Variants in RGPD8 observed in about 807,000 individuals in gnomAD.
RGPD8 encodes the protein RANBP2 like and GRIP domain containing 8.
Under a neutral mutation model 89.1 loss-of-function variants are expected in RGPD8, and 15 were observed. The observed-to-expected ratio is 0.17, with a 90% CI of 0.11 to 0.26. The LOEUF is 0.26. RGPD8 is among the 10% of genes least tolerant of loss of function. The pLI is 1.00. For synonymous variants in RGPD8, 62 were observed against 420.9 expected, an observed-to-expected ratio of 0.15 and a Z score of 10.44; for missense variants, 178 against 1,179.6, an observed-to-expected ratio of 0.15 and a Z score of 12.44.
chr2:112,382,755 GTAAC>G, intron 20 of RGPD8, among the ~76,000 whole-genome samples: 1 of 140,106 alleles, frequency 7.1e-6, no homozygotes, highest in East Asian at 2.2e-4. Flanking sequence ...GAGGAATTAA[GTAAC>G]TATAAGTGAA....
chr2:112,409,897 T>C (rs2943624), intron 7 of RGPD8, among the ~76,000 whole-genome samples: 107,963 of 108,440 alleles, frequency 1, 53,860 homozygotes, highest in Middle Eastern at 1. Context: ...TTCAATGTTA[T>C]GGTGAGCTAC....
At chr2:112,430,732 G>A (rs1679992528) in intron 1 of RGPD8, among the ~76,000 whole-genome samples, 2 of 152,046 alleles carry the variant, frequency 1.3e-5, no homozygotes, top group South Asian at 2.1e-4. Context: ...GGGCCAAGGC[G>A]GGAGGATCAC....
At chr2:112,371,076 C>T (rs1374719122) in intron 22 of RGPD8, among the ~76,000 whole-genome samples, 8 of 151,024 alleles carry the variant, frequency 5.3e-5, no homozygotes, top group African/African-American at 2.0e-4. Flanking sequence ...TCTTTTAAAA[C>T]AGAAGCTTAT....
At chr2:112,424,706 A>G (rs1679692596) in intron 1 of RGPD8, among the ~76,000 whole-genome samples, 1 of 152,032 alleles carries the variant, frequency 6.6e-6, no homozygotes, top group Non-Finnish European at 1.5e-5. Flanking sequence ...ATTGCACTCC[A>G]GCCTGGGCGA....
chr2:112,429,140 G>T (rs1452675872), intron 1 of RGPD8, among the ~76,000 whole-genome samples: 2 of 151,870 alleles, frequency 1.3e-5, no homozygotes, highest in Non-Finnish European at 2.9e-5. Context: ...CTAAAATGGG[G>T]CCGGGCGCGG....
chr2:112,402,466 G>A (rs1343681504), intron 9 of RGPD8, among the ~76,000 whole-genome samples: 1 of 145,518 alleles, frequency 6.9e-6, no homozygotes, highest in Non-Finnish European at 1.5e-5. Flanking sequence ...CTCCAGCCTG[G>A]GTGACAGAGC....
At chr2:112,423,639 G>T (rs1455640635) in intron 2 of RGPD8, among the ~76,000 whole-genome samples, 1 of 144,266 alleles carries the variant, frequency 6.9e-6, no homozygotes, top group Admixed American at 7.0e-5. Flanking sequence ...AGAAGGCAGA[G>T]GTTACAGTGA....
chr2:112,425,858 C>T (rs1679748551), intron 1 of RGPD8, among the ~76,000 whole-genome samples: 1 of 152,060 alleles, frequency 6.6e-6, no homozygotes, highest in South Asian at 2.1e-4. Context: ...TTCCAAGACC[C>T]CAGTGAATGT....
chr2:112,432,716 G>A, intron 1 of RGPD8: 1 of 985,168 alleles, frequency 1.0e-6, no homozygotes, highest in Non-Finnish European at 1.2e-6. Flanking sequence ...CGGGTACTAC[G>A]GGGCCAGAAA....
Position 112,390,119 on chromosome 2 carries a change from A to T in RGPD8, c.2826T>A (p.Asn942Lys). ...QEKKREKPLE[N>K]DTGLQAQDIR... ...TATCCTGAGCCTGTAAGCCAGTATC[A>T]TTTTCAAGAGGCTTTTCCCTTTTCT... is the stretch of plus-strand genomic sequence containing the variant. The change falls in exon 20 of 23, where the codon AAT becomes AAA. Residue 942 changes from asparagine to lysine, a missense_variant. Transcript: ENST00000302558. 1 of 1,603,964 alleles carries T rather than the reference A, an allele frequency of 6.2e-7. No homozygotes were observed.
At chr2:112,432,498 G>A (rs1200727767) in intron 1 of RGPD8, 1 of 985,188 alleles carries the variant, frequency 1.0e-6, no homozygotes, top group Non-Finnish European at 1.2e-6. Flanking sequence ...GTGCCATCGG[G>A]CCATTGCAAA....
At chr2:112,408,358 T>C (rs1401594206) in intron 7 of RGPD8, among the ~76,000 whole-genome samples, 1 of 58,510 alleles carries the variant, frequency 1.7e-5, no homozygotes, top group Non-Finnish European at 3.4e-5. Context: ...GTATATATAA[T>C]TCTTTCCAAA....
chr2:112,432,204 A>G (rs1338527201), intron 1 of RGPD8, among the ~76,000 whole-genome samples: 2 of 152,222 alleles, frequency 1.3e-5, no homozygotes, highest in African/African-American at 4.8e-5. Flanking sequence ...TTTAGATCCA[A>G]TGACTAAAGT....
intron 9 of RGPD8, among the ~76,000 whole-genome samples, chr2:112,402,676 TTTG>T (rs1678915926): frequency 9.0e-6 from 1 of 110,846 alleles, no homozygotes; most frequent in East Asian, 2.6e-4. Context: ...GAAGACACTT[TTTG>T]TTGAAGTTTT....
chr2:112,402,005 G>C (rs750683268), intron 9 of RGPD8, among the ~76,000 whole-genome samples, 157 bp from the exon 10 acceptor site: 2 of 12 alleles, frequency 0.17, no homozygotes, highest in East Asian at 0.33. Flanking sequence ...AAAATCTCAT[G>C]TTCTTATTAA....
At chr2:112,432,324 A>G (rs907401671) in intron 1 of RGPD8, among the ~76,000 whole-genome samples, 10 of 152,162 alleles carry the variant, frequency 6.6e-5, no homozygotes, top group African/African-American at 2.4e-4. Flanking sequence ...GATTTGTAAG[A>G]ACTTTAGAAT....
intron 7 of RGPD8, among the ~76,000 whole-genome samples, chr2:112,408,423 AT>A (rs1459957070): frequency 8.6e-6 from 1 of 116,788 alleles, no homozygotes; most frequent in African/African-American, 3.4e-5. Flanking sequence ...CTGATTTTGA[AT>A]TTTAGAAATA....
In RGPD8 at chr2:112,390,079, T is replaced by C. The variant is rs926813848; in HGVS notation, c.2866A>G (p.Lys956Glu). The change falls in exon 20 of 23, where the codon AAG becomes GAG. Residue 956 changes from lysine to glutamate, a missense_variant. Transcript: ENST00000302558. ...LQAQDIRGRK[K>E]GRGVIFGQTS... The stretch of plus-strand genomic sequence containing the variant: ...TGGCCAAAAATCACACCACGGCCCT[T>C]CTTCCGGCCCCTAATATCCTGAGCC... The C allele has an allele frequency of 1.8e-5, 29 of 1,573,696 alleles. 3 individuals carry two copies. The highest frequency in any genetic ancestry group is 2.3e-5 in the Non-Finnish European group (27 of 1,151,766).
chr2:112,429,324 G>C (rs1426832754), intron 1 of RGPD8, among the ~76,000 whole-genome samples: 1 of 145,382 alleles, frequency 6.9e-6, no homozygotes, highest in Non-Finnish European at 1.5e-5. Flanking sequence ...GCTGGGGCAG[G>C]AGAATGGCGT....
Sources: allele counts gnomAD v4.1 joint callset (sites outside exome capture counted in the v4.1 genomes callset), GRCh38; gene constraint gnomAD v4.1.1; transcripts MANE v1.5; gene names NCBI Gene and HGNC (gene_info 2026-07-23, HGNC 2026-07-21).